SPTLC2: variants seen among roughly 807,000 people sequenced by gnomAD.
SPTLC2 encodes the protein serine palmitoyltransferase 2.
In SPTLC2, 21 loss-of-function variants were observed where a neutral mutation model predicts 62.0. That is an observed-to-expected ratio of 0.34 (90% CI 0.24 to 0.49). The LOEUF (loss-of-function observed/expected upper bound fraction) is 0.49, where lower values mean the gene tolerates loss of function less well. SPTLC2 is among the 20% of genes least tolerant of loss of function. The pLI is 0.99. For synonymous variants in SPTLC2, 261 were observed against 261.8 expected (o/e 1.00, Z 0.03); for missense variants, 511 against 713.0 (o/e 0.72, Z 3.23).
At chr14:77,562,926 T>A (rs1459671479) in intron 5 of SPTLC2, among the ~76,000 whole-genome samples, 1 of 152,194 alleles carries the variant, frequency 6.6e-6, no homozygotes, top group Non-Finnish European at 1.5e-5. Context: ...ACTACTCATA[T>A]CCAGAGTCCA....
rs886669898 is a variant in SPTLC2 at position 77,571,733 on chromosome 14, T to C, written c.632-1225A>G. On this transcript the variant is annotated intron_variant, in intron 4 of 11. Transcript: ENST00000216484. ...AAATACTTCTAAATAGCAATAATAA[T>C]TTGCCCTATCTACCTCATGACATTG... Among the ~76,000 whole-genome samples, 3 of 152,248 alleles carry C rather than the reference T, an allele frequency of 2.0e-5. No individual in the cohort carries two copies. In the South Asian group the frequency reaches 6.2e-4, roughly 32 times the overall value.
At chr14:77,591,805 C>T (rs531466278) in intron 2 of SPTLC2, among the ~76,000 whole-genome samples, 1 of 152,036 alleles carries the variant, frequency 6.6e-6, no homozygotes, top group Non-Finnish European at 1.5e-5. Flanking sequence ...CTCACTGCAA[C>T]CTCCACCTCT....
intron 11 of SPTLC2, among the ~76,000 whole-genome samples, chr14:77,515,966 T>C (rs539943670): frequency 8.0e-6 from 1 of 124,558 alleles, no homozygotes; most frequent in Non-Finnish European, 1.8e-5. Context: ...GCAACTTTGA[T>C]GAATTCATTT....
chr14:77,570,870 A>ACTGGC (rs933687990), intron 4 of SPTLC2, among the ~76,000 whole-genome samples: 21 of 145,552 alleles, frequency 1.4e-4, no homozygotes, highest in African/African-American at 4.5e-4. Flanking sequence ...AAACAATCTA[A>ACTGGC]CTGGCCTGTT....
At chr14:77,526,741 G>C (rs2079410839) in intron 9 of SPTLC2, among the ~76,000 whole-genome samples, 1 of 151,980 alleles carries the variant, frequency 6.6e-6, no homozygotes, top group South Asian at 2.1e-4. Flanking sequence ...TTCTCAGGAA[G>C]GAAGGAATAG....
intron 8 of SPTLC2, chr14:77,554,904 T>C: frequency 3.6e-6 from 1 of 279,624 alleles, no homozygotes; most frequent in Non-Finnish European, 7.0e-6. Flanking sequence ...TGTTCACTCA[T>C]GATATATTTG....
At chr14:77,518,739 TG>T (rs1566766897) in intron 10 of SPTLC2, among the ~76,000 whole-genome samples, 1 of 152,168 alleles carries the variant, frequency 6.6e-6, no homozygotes, top group Non-Finnish European at 1.5e-5. Context: ...TCTGCAGCTG[TG>T]GGGGATCTGC....
intron 1 of SPTLC2, among the ~76,000 whole-genome samples, chr14:77,597,660 G>C (rs953621683): frequency 3.1e-4 from 47 of 151,592 alleles, no homozygotes; most frequent in Non-Finnish European, 6.3e-4. Context: ...TCTAATCCCA[G>C]CTACTTGGGA....
intron 9 of SPTLC2, chr14:77,535,943 A>G (rs534051593): frequency 1.9e-4 from 85 of 455,566 alleles, no homozygotes; most frequent in South Asian, 1.3e-3. Flanking sequence ...ACAGGGGATA[A>G]AGGAGAGAAA....
chr14:77,563,640 G>A (rs571818007), intron 5 of SPTLC2, among the ~76,000 whole-genome samples: 2 of 152,086 alleles, frequency 1.3e-5, no homozygotes, highest in Admixed American at 6.6e-5. Flanking sequence ...TGGCCAGGCT[G>A]GTCTTGAACC....
rs2079321694 is a variant in SPTLC2 at position 77,509,484 on chromosome 14, G to A, written c.*2800C>T. 6.0e-6 allele frequency: 1 copy of A among 167,570 alleles called. No individual in the cohort carries two copies. The highest frequency in any genetic ancestry group is 1.3e-5 in the Non-Finnish European group (1 of 78,554). 10.4% of individuals were successfully genotyped at this position (167,570 alleles called of 1,614,324 possible). On this transcript the variant is annotated 3_prime_UTR_variant, in exon 12 of 12. Coordinates refer to ENST00000216484, the MANE Select transcript of SPTLC2 (RefSeq NM_004863.4). ...AAAGAGGAATGAGAAAAAGTGCTAA[G>A]GACTAGTCACACCTCTATCAATCGA...
intron 6 of SPTLC2, chr14:77,557,387 C>A: frequency 1.9e-6 from 1 of 520,296 alleles, no homozygotes; most frequent in Non-Finnish European, 3.5e-6. Context: ...GTGGCTAACT[C>A]AGTTCATTAG....
intron 11 of SPTLC2, among the ~76,000 whole-genome samples, chr14:77,517,290 T>C (rs2079364001): frequency 6.6e-6 from 1 of 152,198 alleles, no homozygotes; most frequent in Admixed American, 6.5e-5. Context: ...TTAATGGATA[T>C]TTCTAGCAAC....
At chr14:77,552,060 G>T in intron 9 of SPTLC2, 36 bp downstream of exon 9, 1 of 1,612,366 alleles carries the variant, frequency 6.2e-7, no homozygotes, top group South Asian at 1.1e-5. Context: ...GCTGCTAGGT[G>T]GACTTATGCA....
At chr14:77,590,040 A>G (rs1300512044) in intron 2 of SPTLC2, among the ~76,000 whole-genome samples, 3 of 151,876 alleles carry the variant, frequency 2.0e-5, no homozygotes, top group Non-Finnish European at 4.4e-5. Context: ...CAGTGGCTCA[A>G]TCACAGCTCA....
chr14:77,573,607 G>A (rs1322455472), intron 4 of SPTLC2, among the ~76,000 whole-genome samples: 1 of 152,160 alleles, frequency 6.6e-6, no homozygotes, highest in East Asian at 1.9e-4. Flanking sequence ...GACATGCACA[G>A]AAGGAATACA....
intron 5 of SPTLC2, among the ~76,000 whole-genome samples, chr14:77,569,390 G>A (rs753127570): frequency 4.6e-5 from 7 of 151,986 alleles, no homozygotes; most frequent in Non-Finnish European, 7.4e-5. Flanking sequence ...CTATCTTGCT[G>A]TTTGTTTTCT....
At chr14:77,518,563 C>A (rs1021072697) in intron 10 of SPTLC2, among the ~76,000 whole-genome samples, 1 of 148,320 alleles carries the variant, frequency 6.7e-6, no homozygotes, top group Admixed American at 6.8e-5. Context: ...CACGACTGTA[C>A]TCCAGCCTGA....
At chr14:77,565,341 C>G (rs1354414135) in intron 5 of SPTLC2, among the ~76,000 whole-genome samples, 1 of 150,258 alleles carries the variant, frequency 6.7e-6, no homozygotes, top group Non-Finnish European at 1.5e-5. Context: ...AAGTTTAATC[C>G]AAAATGCTAT....
Sources: gnomAD v4.1 joint callset for allele counts (sites outside exome capture counted in the v4.1 genomes callset) on GRCh38, gnomAD v4.1.1 for gene constraint, MANE v1.5 for transcripts, NCBI Gene and HGNC (gene_info 2026-07-23, HGNC 2026-07-21) for gene names.